Variants in CELF4 observed in about 807,000 individuals in gnomAD.
CELF4 encodes CUGBP Elav-like family member 4.
Under a neutral mutation model 59.9 loss-of-function variants are expected in CELF4, and 18 were observed. The observed-to-expected ratio is 0.30, with a 90% CI of 0.21 to 0.45. The LOEUF is 0.45. CELF4 is among the 20% of genes least tolerant of loss of function. The probability of loss-of-function intolerance (pLI) is 1.00; values close to 1 mark genes in which losing one functional copy is unlikely to be tolerated. For missense variants in CELF4, 456 were observed against 689.0 expected (o/e 0.66, Z 3.79); for synonymous variants, 261 against 267.1 (o/e 0.98, Z 0.22).
intron 2 of CELF4, among the ~76,000 whole-genome samples, chr18:37,405,098 C>T (rs694306): frequency 1.1e-4 from 17 of 152,292 alleles, no homozygotes; most frequent in East Asian, 3.9e-4. Context: ...CCCAACCCCC[C>T]CCGTGTCCTT....
rs76945506 is a variant in CELF4 at position 37,501,995 on chromosome 18, C to T, written c.287-16388G>A. Among the ~76,000 whole-genome samples the T allele has an allele frequency of 4.0e-3, 608 of 152,216 alleles. 3 individuals carry two copies. The highest frequency in any genetic ancestry group is 0.014 in the African/African-American group (569 of 41,532). On this transcript the variant is annotated intron_variant, in intron 1 of 12. Transcript: ENST00000420428. ...GGGCTAAGGGAGAACCAGTAGCCCT[C>T]GGCTGAATCATGTTTGTGCATCACT... is the stretch of plus-strand genomic sequence containing the variant.
chr18:37,275,356 G>A, intron 3 of CELF4, 113 bp from the exon 4 acceptor site: 2 of 1,260,758 alleles, frequency 1.6e-6, no homozygotes, highest in Non-Finnish European at 2.1e-6. Flanking sequence ...GAGGCGGGGC[G>A]GGGGCTCGGA....
At chr18:37,436,377 T>G (rs1281927126) in intron 2 of CELF4, among the ~76,000 whole-genome samples, 1 of 152,180 alleles carries the variant, frequency 6.6e-6, no homozygotes, top group African/African-American at 2.4e-5. Context: ...TGCTAAAAGC[T>G]CCTCGCCTTG....
chr18:37,526,440 C>T (rs2099963892), intron 1 of CELF4, among the ~76,000 whole-genome samples: 5 of 152,226 alleles, frequency 3.3e-5, no homozygotes, highest in Admixed American at 3.3e-4. Flanking sequence ...ACTTCCTCTT[C>T]TTCCCCTTCT....
At chr18:37,324,302 G>C (rs528228107) in intron 2 of CELF4, among the ~76,000 whole-genome samples, 1 of 152,166 alleles carries the variant, frequency 6.6e-6, no homozygotes, top group Admixed American at 6.5e-5. Flanking sequence ...CCTTTAAGGA[G>C]GTACTTAAGG....
chr18:37,297,637 CT>C (rs1217950507), intron 3 of CELF4, among the ~76,000 whole-genome samples: 1 of 152,272 alleles, frequency 6.6e-6, no homozygotes, highest in Non-Finnish European at 1.5e-5. Context: ...ACCCACACCC[CT>C]GTGAAGATAT....
intron 1 of CELF4, among the ~76,000 whole-genome samples, chr18:37,552,350 G>T (rs2099983474): frequency 6.6e-6 from 1 of 152,324 alleles, no homozygotes; most frequent in African/African-American, 2.4e-5. Context: ...TCCTGCAGGG[G>T]GCCATGGTAT....
chr18:37,290,537 C>T (rs1021494354), intron 3 of CELF4, among the ~76,000 whole-genome samples: 2 of 152,126 alleles, frequency 1.3e-5, no homozygotes, highest in Admixed American at 6.5e-5. Flanking sequence ...AGAAGGGCAG[C>T]GGGAGCTTGA....
rs941088656 is a variant in CELF4, at chr18:37,245,868, C to A, written c.*45-671G>T. On this transcript the variant is annotated intron_variant, in intron 12 of 12. Transcript: ENST00000420428. The surrounding 1 kb of genome is among the most constrained non-coding windows in gnomAD (Gnocchi z 4.1). ...ACACATACACACACATAATACTTTT[C>A]TCATACATGCCAGGGAATTTAGAGG... Among the ~76,000 whole-genome samples the A allele has an allele frequency of 6.6e-6, 1 of 152,108 alleles. No individual in the cohort carries two copies. Among genetic ancestry groups the A allele is most frequent in the South Asian group, 2.1e-4 (1 of 4,824 alleles).
intron 1 of CELF4, among the ~76,000 whole-genome samples, chr18:37,502,529 A>G (rs2099932962): frequency 6.6e-6 from 1 of 152,182 alleles, no homozygotes; most frequent in African/African-American, 2.4e-5. Flanking sequence ...GAGACAGGAC[A>G]GTGGCCCAGG....
chr18:37,564,527 A>T (rs948403328), intron 1 of CELF4, among the ~76,000 whole-genome samples: 1 of 152,090 alleles, frequency 6.6e-6, no homozygotes, highest in Non-Finnish European at 1.5e-5. Flanking sequence ...GAAATAATGT[A>T]CTATAAAGCT....
chr18:37,439,347 G>A (rs1054685463), intron 2 of CELF4, among the ~76,000 whole-genome samples: 2 of 152,150 alleles, frequency 1.3e-5, no homozygotes, highest in African/African-American at 4.8e-5. Flanking sequence ...TAAATTGAAA[G>A]TACAACCAAA....
chr18:37,523,930 C>CATGTCACTA (rs1313802303), intron 1 of CELF4, among the ~76,000 whole-genome samples: 4 of 152,212 alleles, frequency 2.6e-5, no homozygotes. Flanking sequence ...AAAACGCCTG[C>CATGTCACTA]CCTTTGCATG....
chr18:37,417,162 C>A (rs1440459936), intron 2 of CELF4, among the ~76,000 whole-genome samples: 1 of 152,208 alleles, frequency 6.6e-6, no homozygotes, highest in Non-Finnish European at 1.5e-5. Flanking sequence ...AATTGCACCT[C>A]TGTATAGTTT....
At chr18:37,431,968 T>TC (rs1008688665) in intron 2 of CELF4, among the ~76,000 whole-genome samples, 48 of 152,032 alleles carry the variant, frequency 3.2e-4, no homozygotes, top group African/African-American at 1.1e-3. Context: ...GTGAAATAGG[T>TC]CCCCCCACCT....
chr18:37,295,815 C>G (rs1474824611), intron 3 of CELF4, among the ~76,000 whole-genome samples: 1 of 152,220 alleles, frequency 6.6e-6, no homozygotes, highest in Non-Finnish European at 1.5e-5. Context: ...ATCTTTCCAG[C>G]ATTGGCGGCG....
intron 3 of CELF4, among the ~76,000 whole-genome samples, chr18:37,289,853 C>T (rs911951705): frequency 6.6e-6 from 1 of 152,110 alleles, no homozygotes; most frequent in Non-Finnish European, 1.5e-5. Context: ...ATTACACAGC[C>T]CTGGAGTTTC....
At chr18:37,315,132 C>G (rs747272117) in intron 3 of CELF4, among the ~76,000 whole-genome samples, 1 of 152,112 alleles carries the variant, frequency 6.6e-6, no homozygotes, top group African/African-American at 2.4e-5. Flanking sequence ...TCTGGATGGA[C>G]TCCCCAGTGC....
At chr18:37,412,064 G>A (rs181646136) in intron 2 of CELF4, among the ~76,000 whole-genome samples, 15 of 152,240 alleles carry the variant, frequency 9.9e-5, no homozygotes, top group Non-Finnish European at 1.9e-4. Flanking sequence ...GCTGGGGGAT[G>A]AGGAAGAATA....
Sources: gnomAD v4.1 joint callset for allele counts (sites outside exome capture counted in the v4.1 genomes callset) on GRCh38, gnomAD v4.1.1 for gene constraint, Gnocchi (gnomAD v3.1) non-coding constraint, MANE v1.5 for transcripts, NCBI Gene and HGNC (gene_info 2026-07-23, HGNC 2026-07-21) for gene names.